The following HMCN1 variants were observed in gnomAD, a reference collection of about 807,000 sequenced individuals.
HMCN1 encodes hemicentin-1.
Under a neutral mutation model 625.9 loss-of-function variants are expected in HMCN1, and 321 were observed. The ratio of observed to expected loss-of-function variants is 0.51; its 90% CI spans 0.47 to 0.56. The LOEUF (loss-of-function observed/expected upper bound fraction) is 0.56. HMCN1 is among the 20% of genes least tolerant of loss of function. The probability of loss-of-function intolerance (pLI) is 0.00; values close to 1 mark genes in which losing one functional copy is unlikely to be tolerated. For missense variants in HMCN1, 6,588 were observed against 6,887.3 expected (o/e 0.96, Z 1.54); for synonymous variants, 2,425 against 2,417.6 (o/e 1.00, Z -0.09).
chr1:185,777,773 G>GT, intron 1 of HMCN1, among the ~76,000 whole-genome samples: 1 of 152,282 alleles, frequency 6.6e-6, no homozygotes, highest in South Asian at 2.1e-4. Context: ...TCTTATTTAT[G>GT]TTAGACATAG....
Position 186,053,899 on chromosome 1 carries a change from G to A in HMCN1, c.6775G>A (p.Ala2259Thr). Reference protein sequence around the residue: ...SGGRQLQISIAEKSDAALYSC... With the variant: ...SGGRQLQISITEKSDAALYSC... ...GGGCAGGCAATTACAAATTTCAATTGCTGAAAAGTCTGATGCAGCACTCTA... is the reference window on the plus strand; with the variant it reads ...GGGCAGGCAATTACAAATTTCAATTACTGAAAAGTCTGATGCAGCACTCTA... Residue 2259 changes from alanine (A) to threonine (T), a missense_variant, in exon 44 of 107, where the codon GCT (alanine) becomes ACT (threonine). By Grantham distance (58) the Ala-to-Thr change is moderately conservative. Transcript: ENST00000271588. The A allele has an allele frequency of 1.2e-6, 2 of 1,612,720 alleles. No individual in the cohort carries two copies. The highest frequency in any genetic ancestry group is 2.2e-5 in the East Asian group (1 of 44,752).
At chr1:185,928,446 T>C in intron 9 of HMCN1, 100 bp from the exon 10 acceptor site, 1 of 983,860 alleles carries the variant, frequency 1.0e-6, no homozygotes, top group Non-Finnish European at 1.6e-6. Flanking sequence ...TTTCTTTACA[T>C]TGTTCTTTTG....
At chr1:185,831,125 A>G (rs1411061288) in intron 1 of HMCN1, among the ~76,000 whole-genome samples, 1 of 152,188 alleles carries the variant, frequency 6.6e-6, no homozygotes, top group Non-Finnish European at 1.5e-5. Flanking sequence ...GATCTTTCAT[A>G]TTCATGTTCA....
Position 186,137,503 on chromosome 1 carries a change from G to A in HMCN1, c.13588G>A (p.Gly4530Ser). The A allele has an allele frequency of 6.2e-7, 1 of 1,613,368 alleles. No individual in the cohort carries two copies. ...GTACAATGTTTTATTTGCAGTTCAT[G>A]GTGGATTTTCCCAGTGGTCTGCATG... ...VRVPVIVQVH[G>S]GFSQWSAWRA... The change falls in exon 88 of 107, where the codon GGT (glycine) becomes AGT (serine). Residue 4530 changes from glycine (G) to serine (S), a missense_variant. Transcript: ENST00000271588.
chr1:185,794,619 T>C (rs928807974), intron 1 of HMCN1, among the ~76,000 whole-genome samples: 2 of 148,028 alleles, frequency 1.4e-5, no homozygotes, highest in African/African-American at 5.0e-5. Flanking sequence ...TTTTTTTTTT[T>C]TTTTGCCTGC....
chr1:185,799,654 G>A (rs1658657288), intron 1 of HMCN1, among the ~76,000 whole-genome samples: 1 of 152,102 alleles, frequency 6.6e-6, no homozygotes, highest in Admixed American at 6.5e-5. Context: ...CTGAGTAGCT[G>A]GGGTGTTTAG....
Position 186,001,389 on chromosome 1 carries a change from T to C in HMCN1, c.4161T>C (p.Thr1387=). 1 of 1,612,288 alleles carries C rather than the reference T, an allele frequency of 6.2e-7. No individual in the cohort carries two copies. The highest frequency in any genetic ancestry group is 8.5e-7 in the Non-Finnish European group (1 of 1,178,628). The stretch of plus-strand genomic sequence containing the variant: ...ATCTCTTCTGTGAAGTGGAAGGCAC[T>C]CCATCTCCCATCATTATGTGGTATA... ...LTNLFCEVEG[T]PSPIIMWYKD... is the part of the protein sequence containing the mutation. Residue 1387 remains threonine, a synonymous_variant, in exon 27 of 107, where the codon ACT becomes ACC. Transcript: ENST00000271588.
chr1:185,768,866 C>T (rs1177869510), intron 1 of HMCN1, among the ~76,000 whole-genome samples: 2 of 152,150 alleles, frequency 1.3e-5, no homozygotes, highest in Non-Finnish European at 2.9e-5. Flanking sequence ...ATCTGTTACT[C>T]ACTTTTTGAC....
chr1:186,181,923 A>G (rs1030209992), intron 104 of HMCN1, among the ~76,000 whole-genome samples: 1 of 152,170 alleles, frequency 6.6e-6, no homozygotes, highest in Admixed American at 6.6e-5. Flanking sequence ...TTCAGCATAT[A>G]TGTGCTTACA....
At chr1:185,889,193 C>G (rs1383116984) in intron 4 of HMCN1, among the ~76,000 whole-genome samples, 3 of 145,684 alleles carry the variant, frequency 2.1e-5, no homozygotes, top group African/African-American at 8.3e-5. Context: ...TGCTTATCAG[C>G]TTAAGGAGAT....
chr1:186,097,568 A>C (rs532991876), intron 68 of HMCN1, among the ~76,000 whole-genome samples: 4 of 152,266 alleles, frequency 2.6e-5, no homozygotes, highest in Non-Finnish European at 4.4e-5. Context: ...GAAACAAATA[A>C]ATGGAAAGAT....
At chr1:185,845,019 C>T (rs1213648168) in intron 1 of HMCN1, among the ~76,000 whole-genome samples, 2 of 152,136 alleles carry the variant, frequency 1.3e-5, no homozygotes, top group Non-Finnish European at 2.9e-5. Context: ...CCACCTTTTC[C>T]TGTTGGAAGA....
In HMCN1 at chr1:186,130,622, A is replaced by G; in HGVS notation, c.13155A>G (p.Arg4385=). ...CCACCCCAACCATCCAGTGGAACAG[A>G]AAGGGAGTGGATATTGAAATTAGCC... The part of the protein sequence containing the change: ...GDPTPTIQWN[R]KGVDIEISHR... Residue 4385 remains arginine (R), a synonymous_variant, in exon 85 of 107, where the codon AGA becomes AGG. Transcript: ENST00000271588. 2 of 1,613,592 alleles carry G rather than the reference A, an allele frequency of 1.2e-6. No individual in the cohort carries two copies. Among genetic ancestry groups the G allele is most frequent in the Non-Finnish European group, 1.7e-6 (2 of 1,179,672 alleles).
chr1:185,990,128 G>A (rs555636259), intron 21 of HMCN1, 147 bp from the exon 22 acceptor site: 11 of 791,478 alleles, frequency 1.4e-5, no homozygotes, highest in Non-Finnish European at 2.2e-5. Flanking sequence ...CACAATAAAT[G>A]TATTAATGGA....
intron 11 of HMCN1, among the ~76,000 whole-genome samples, chr1:185,942,832 G>T (rs2102514623): frequency 6.6e-6 from 1 of 152,008 alleles, no homozygotes; most frequent in South Asian, 2.1e-4. Flanking sequence ...TGATCAAGCA[G>T]GTATAAATCA....
At chr1:185,972,664 G>A (rs185084717) in intron 15 of HMCN1, among the ~76,000 whole-genome samples, 2 of 152,204 alleles carry the variant, frequency 1.3e-5, no homozygotes, top group African/African-American at 4.8e-5. Flanking sequence ...TACCATTCAT[G>A]TTTCTGTTAT....
chr1:186,142,202 C>T (rs546550545), intron 89 of HMCN1, among the ~76,000 whole-genome samples: 1 of 152,220 alleles, frequency 6.6e-6, no homozygotes, highest in Admixed American at 6.5e-5. Context: ...TCCCCTCTTT[C>T]TGTCCATGTG....
At chr1:185,886,190 CT>C (rs1266183136) in intron 4 of HMCN1, among the ~76,000 whole-genome samples, 2 of 151,048 alleles carry the variant, frequency 1.3e-5, no homozygotes, top group African/African-American at 4.9e-5. Flanking sequence ...TACTTATAGC[CT>C]TTTTACTGCG....
At chr1:186,162,530 C>G (rs1194767399) in intron 97 of HMCN1, among the ~76,000 whole-genome samples, 1 of 152,036 alleles carries the variant, frequency 6.6e-6, no homozygotes, top group African/African-American at 2.4e-5. Context: ...TGTTTTTTCC[C>G]CATCTTTGTG....
Sources: gnomAD v4.1 joint callset for allele counts (sites outside exome capture counted in the v4.1 genomes callset) on GRCh38, gnomAD v4.1.1 for gene constraint, MANE v1.5 for transcripts, NCBI Gene and HGNC (gene_info 2026-07-23, HGNC 2026-07-21) for gene names.